ACAP2: variants seen among roughly 807,000 people sequenced by gnomAD.
ACAP2 encodes the protein arf-GAP with coiled-coil, ANK repeat and PH domain-containing protein 2.
Under a neutral mutation model 115.8 loss-of-function variants are expected in ACAP2, and 39 were observed. The ratio of observed to expected loss-of-function variants is 0.34; its 90% CI spans 0.26 to 0.44. The LOEUF is 0.44. Among genes scored for constraint, ACAP2 ranks in the 20% least tolerant of loss-of-function variants. The probability of loss-of-function intolerance (pLI) is 1.00; values close to 1 mark genes in which losing one functional copy is unlikely to be tolerated. For synonymous variants in ACAP2, 289 were observed against 315.8 expected (o/e 0.92, Z 0.90); for missense variants, 662 against 927.6 (o/e 0.71, Z 3.72).
chr3:195,412,279 T>C (rs905022741), intron 1 of ACAP2, among the ~76,000 whole-genome samples: 3 of 151,526 alleles, frequency 2.0e-5, no homozygotes, highest in Non-Finnish European at 4.4e-5. Context: ...GCATAATTTG[T>C]TGCTCAGATT....
intron 2 of ACAP2, among the ~76,000 whole-genome samples, chr3:195,384,766 T>C (rs1443908822): frequency 1.3e-5 from 2 of 152,100 alleles, no homozygotes; most frequent in Non-Finnish European, 2.9e-5. Flanking sequence ...GAGAAACTAG[T>C]TCAGTGCATT....
intron 1 of ACAP2, among the ~76,000 whole-genome samples, chr3:195,423,812 C>T (rs934933527): frequency 1.3e-5 from 2 of 151,758 alleles, no homozygotes; most frequent in African/African-American, 4.8e-5. Flanking sequence ...TTTCATGTGT[C>T]ATGAAATTTT....
chr3:195,342,797 C>T (rs1195331911), intron 5 of ACAP2, 143 bp from the exon 6 acceptor site: 2 of 533,954 alleles, frequency 3.7e-6, no homozygotes, highest in Non-Finnish European at 3.2e-6. Flanking sequence ...AGATCGAGAC[C>T]ATCCTGGCCA....
chr3:195,374,177 G>A (rs551403310), intron 4 of ACAP2, among the ~76,000 whole-genome samples: 54 of 152,196 alleles, frequency 3.5e-4, no homozygotes, highest in African/African-American at 1.2e-3. Flanking sequence ...CTTGAGGTCC[G>A]GAGTTCGAGA....
chr3:195,341,506 A>T (rs1480539767), intron 6 of ACAP2, among the ~76,000 whole-genome samples: 1 of 151,702 alleles, frequency 6.6e-6, no homozygotes, highest in African/African-American at 2.4e-5. Context: ...TTGTATTTTT[A>T]GTAGAGACGG....
intron 17 of ACAP2, chr3:195,295,371 TG>T: frequency 1.1e-6 from 1 of 948,460 alleles, no homozygotes. Context: ...AAAACGTTAC[TG>T]GGAAAAAATT....
At chr3:195,426,440 C>G (rs1220879544) in intron 1 of ACAP2, among the ~76,000 whole-genome samples, 1 of 152,112 alleles carries the variant, frequency 6.6e-6, no homozygotes, top group South Asian at 2.1e-4. Context: ...AGGAAGGGGG[C>G]CATTCTAAAA....
chr3:195,333,044 T>C lies in ACAP2; in HGVS notation c.653A>G (p.Lys218Arg), dbSNP rs1730277699. The change falls in exon 8 of 23, where the codon AAG becomes AGG. Residue 218 changes from lysine (K) to arginine (R), a missense_variant. Physicochemically the swap from Lys to Arg is conservative, Grantham distance 26 (BLOSUM62 2). This residue lies in a region of ACAP2 where 401 missense variants were observed against 604.4 expected (regional missense o/e 0.66). Coordinates refer to ENST00000326793, the MANE Select transcript of ACAP2 (RefSeq NM_012287.6). ...CAACATTACCTGTGCACCAAGATCC[T>C]TCATGTAGGGTCCAAGTTCACTAAA... Reference protein sequence around the residue: ...DLFSELGPYMKDLGAQLDRLV... With the variant: ...DLFSELGPYMRDLGAQLDRLV... The C allele has an allele frequency of 1.2e-6, 2 of 1,607,890 alleles. No individual in the cohort carries two copies. The highest frequency in any genetic ancestry group is 1.1e-5 in the South Asian group (1 of 90,220).
intron 4 of ACAP2, among the ~76,000 whole-genome samples, chr3:195,376,264 G>A (rs1733521639): frequency 6.6e-6 from 1 of 151,928 alleles, no homozygotes; most frequent in Non-Finnish European, 1.5e-5. Context: ...TGTGGTGGTG[G>A]GTGCCTGTAG....
intron 5 of ACAP2, among the ~76,000 whole-genome samples, chr3:195,344,278 C>T (rs1393913180): frequency 5.9e-5 from 9 of 152,052 alleles, no homozygotes; most frequent in Admixed American, 5.9e-4. Flanking sequence ...TCCAGAACAA[C>T]AAATTCTAAC....
chr3:195,306,662 CA>C (rs1263401903), intron 12 of ACAP2, 46 bp from the exon 13 acceptor site: 23 of 1,299,766 alleles, frequency 1.8e-5, no homozygotes, highest in Admixed American at 3.7e-5. Flanking sequence ...AAGTTAATGC[CA>C]AAAACACCCT....
intron 1 of ACAP2, among the ~76,000 whole-genome samples, chr3:195,437,885 C>CTTTTTT (rs1186712431): frequency 2.2e-5 from 2 of 90,738 alleles, no homozygotes; most frequent in South Asian, 4.3e-4. Flanking sequence ...ACTTTACATG[C>CTTTTTT]TTTTTTTTTT....
chr3:195,358,617 G>T (rs1732144299), intron 4 of ACAP2, among the ~76,000 whole-genome samples: 1 of 151,954 alleles, frequency 6.6e-6, no homozygotes, highest in Admixed American at 6.6e-5. Context: ...CTTAACAGCA[G>T]AACTGATCAA....
intron 1 of ACAP2, among the ~76,000 whole-genome samples, chr3:195,438,837 ATCACC>A (rs1295240559): frequency 3.9e-5 from 6 of 152,192 alleles, no homozygotes; most frequent in African/African-American, 1.4e-4. Flanking sequence ...AGGCGGGCGG[ATCACC>A]TGAGGTCAGG....
At chr3:195,421,581 T>C (rs1353286323) in intron 1 of ACAP2, among the ~76,000 whole-genome samples, 1 of 152,246 alleles carries the variant, frequency 6.6e-6, no homozygotes, top group Non-Finnish European at 1.5e-5. Context: ...GCATTAGTGC[T>C]GTAGTCATAG....
At chr3:195,295,624 G>A (rs144131278) in intron 17 of ACAP2, 84 bp downstream of exon 17, 22 of 1,438,210 alleles carry the variant, frequency 1.5e-5, no homozygotes, top group East Asian at 2.3e-5. Context: ...TAAAAAAAAC[G>A]ACAATGGCTA....
intron 22 of ACAP2, chr3:195,282,049 G>A (rs574374000): frequency 5.3e-5 from 8 of 152,302 alleles, no homozygotes; most frequent in Admixed American, 2.0e-4. Flanking sequence ...TCTAGCAGAC[G>A]TTAATACCAA....
chr3:195,332,384 A>G (rs917379125), intron 8 of ACAP2, among the ~76,000 whole-genome samples: 4 of 152,164 alleles, frequency 2.6e-5, no homozygotes, highest in Non-Finnish European at 5.9e-5. Context: ...TGCAAAACAA[A>G]CACTTTGTTT....
chr3:195,310,494 T>C (rs898223305), intron 10 of ACAP2, among the ~76,000 whole-genome samples: 8 of 152,248 alleles, frequency 5.3e-5, no homozygotes, highest in African/African-American at 1.9e-4. Flanking sequence ...TGAAAGCGTT[T>C]GTGTAAAAAT....
Sources: allele counts gnomAD v4.1 joint callset (sites outside exome capture counted in the v4.1 genomes callset), GRCh38; gene constraint gnomAD v4.1.1; regional missense constraint gnomAD v4.1.1; transcripts MANE v1.5; gene names NCBI Gene and HGNC (gene_info 2026-07-23, HGNC 2026-07-21).